Variants in PHF8 observed in about 807,000 individuals in gnomAD.
PHF8 encodes the protein PHD finger protein 8, also known as histone lysine demethylase PHF8.
A neutral mutation model predicts 74.4 loss-of-function variants in PHF8; 9 were observed. That is an observed-to-expected ratio of 0.12 (90% CI 0.07 to 0.21). The LOEUF is 0.21. Ranked by LOEUF, PHF8 falls within the 10% of genes least tolerant of loss-of-function variation. The pLI, the probability that PHF8 is intolerant of heterozygous loss-of-function variation, is 1.00. For synonymous variants in PHF8, 311 were observed against 316.6 expected (o/e 0.98, Z 0.19); for missense variants, 478 against 816.6 (o/e 0.59, Z 5.05).
chrX:53,975,652 CAT>C (rs1178456173), intron 18 of PHF8, among the ~76,000 whole-genome samples: 1 of 111,879 alleles, frequency 8.9e-6, no homozygotes, highest in Non-Finnish European at 1.9e-5. Context: ...TGTTCTCACT[CAT>C]ATGTGAGAGC....
chrX:53,964,888 AG>A (rs782161023), intron 18 of PHF8, among the ~76,000 whole-genome samples: 1 of 108,054 alleles, frequency 9.3e-6, no homozygotes, highest in South Asian at 4.0e-4. Flanking sequence ...AAAAAAAAAA[AG>A]AAAAGAAAGA....
chrX:53,940,595 G>A (rs2064736839), intron 20 of PHF8, 79 bp from the exon 21 acceptor site: 1 of 703,748 alleles, frequency 1.4e-6, no homozygotes, highest in Non-Finnish European at 2.2e-6. Flanking sequence ...ACTAGACAAT[G>A]TCCAATATGG....
chrX:54,032,346 TC>T (rs1429837729), intron 2 of PHF8, among the ~76,000 whole-genome samples: 1 of 110,763 alleles, frequency 9.0e-6, no homozygotes, highest in Non-Finnish European at 1.9e-5. Flanking sequence ...CTGTATATGA[TC>T]TGCACACCCC....
At chrX:53,943,342 T>G (rs782560273) in intron 20 of PHF8, 2 of 838,787 alleles carry the variant, frequency 2.4e-6, no homozygotes, top group South Asian at 5.0e-5. Context: ...GTTTGAGTTG[T>G]CTCCTCCATT....
chrX:53,986,912 C>G (rs1425097021), intron 16 of PHF8, among the ~76,000 whole-genome samples, 166 bp downstream of exon 16: 2 of 111,187 alleles, frequency 1.8e-5, no homozygotes, highest in African/African-American at 3.3e-5. Context: ...GGCAACAGAG[C>G]GAGGAGACTC....
rs1288251216 is a variant in PHF8, at chrX:53,997,231, G to A, written c.1234-1449C>T. Among the ~76,000 whole-genome samples the A allele has an allele frequency of 6.3e-5, 7 of 111,523 alleles. No individual in the cohort carries two copies. In the Admixed American group the frequency reaches 6.6e-4, roughly 11 times the overall value. Reference sequence around the variant, plus strand: ...ACAGCTAGCTCAACAGCAACCCAGAGCGATCCCTGTTAGTTGTCTCTCTTT... The same window carrying A: ...ACAGCTAGCTCAACAGCAACCCAGAACGATCCCTGTTAGTTGTCTCTCTTT... On this transcript the variant is annotated intron_variant, in intron 11 of 21. Transcript: ENST00000338154.
intron 20 of PHF8, among the ~76,000 whole-genome samples, chrX:53,940,992 A>G (rs1569523590): frequency 8.9e-6 from 1 of 112,635 alleles, no homozygotes; most frequent in Non-Finnish European, 1.9e-5. Context: ...TCACAGCTGA[A>G]AAGTAGTTGG....
intron 11 of PHF8, among the ~76,000 whole-genome samples, chrX:53,996,461 C>T (rs192249046): frequency 2.6e-4 from 28 of 107,205 alleles, no homozygotes; most frequent in African/African-American, 7.2e-4. Context: ...CATCAGCTAT[C>T]GTTACGTATG....
At chrX:54,038,401 C>A (rs2066497746) in intron 2 of PHF8, among the ~76,000 whole-genome samples, 2 of 112,148 alleles carry the variant, frequency 1.8e-5, no homozygotes, top group South Asian at 7.3e-4. Flanking sequence ...GAAGCTATCA[C>A]ACTCCGCAGA....
At chrX:54,035,192 A>C (rs1415513381) in intron 2 of PHF8, among the ~76,000 whole-genome samples, 3 of 108,691 alleles carry the variant, frequency 2.8e-5, no homozygotes, top group African/African-American at 1.0e-4. Flanking sequence ...ACTCGTCTCT[A>C]CTAAAAATAC....
chrX:53,944,108 G>T, intron 20 of PHF8, 26 bp downstream of exon 20: 1 of 969,028 alleles, frequency 1.0e-6, no homozygotes, highest in Non-Finnish European at 1.5e-6. Context: ...ATTAGTTGCA[G>T]GGTGACCTGG....
chrX:53,967,103 C>T (rs1457865934), intron 18 of PHF8, among the ~76,000 whole-genome samples: 2 of 110,625 alleles, frequency 1.8e-5, no homozygotes, highest in East Asian at 3.0e-4. Flanking sequence ...AAGTGAGGAG[C>T]GTCTCTGCCT....
In PHF8 at chrX:54,001,207, T is replaced by C. The variant is rs1024605370; in HGVS notation, c.1141+948A>G. 2.7e-5 allele frequency among the ~76,000 whole-genome samples: 3 copies of C among 111,005 alleles called. No individual in the cohort carries two copies. The South Asian group carries it at 1.1e-3, about 42-fold the overall frequency. ...TGGGCACAGTGGCGCGTGCCTATAG[T>C]CCCAGCTACTCTGGAGGCTGAGGCA... On this transcript the variant is annotated intron_variant, in intron 10 of 21. Transcript: ENST00000338154.
chrX:53,959,990 T>C (rs112576131), intron 19 of PHF8, among the ~76,000 whole-genome samples: 13,977 of 109,274 alleles, frequency 0.13, 924 homozygotes, highest in African/African-American at 0.25. Flanking sequence ...AAACGAAAAC[T>C]ATGAGGTTGT....
At chrX:53,954,499 CAA>C (rs1180184175) in intron 19 of PHF8, among the ~76,000 whole-genome samples, 2 of 13,126 alleles carry the variant, frequency 1.5e-4, no homozygotes, top group Non-Finnish European at 2.8e-4. Context: ...GACTCTGTCT[CAA>C]AAAAAAAAAA....
intron 18 of PHF8, among the ~76,000 whole-genome samples, chrX:53,972,679 C>T (rs1782671224): frequency 9.0e-6 from 1 of 111,402 alleles, no homozygotes; most frequent in South Asian, 3.7e-4. Flanking sequence ...GAAAAACCCA[C>T]AGCCAGTATC....
At chrX:54,047,159 A>G (rs2066638429), upstream of PHF8, among the ~76,000 whole-genome samples, 1 of 112,258 alleles carries the variant, frequency 8.9e-6, no homozygotes, top group African/African-American at 3.2e-5. Context: ...GTTGGGGGGA[A>G]AAAATTGGTC....
chrX:53,943,215 C>T, intron 20 of PHF8: 1 of 939,211 alleles, frequency 1.1e-6, no homozygotes, highest in Non-Finnish European at 1.4e-6. Context: ...GACAGAAGTT[C>T]TGGTCAAAGA....
In PHF8 at chrX:53,938,726, G is replaced by A; in HGVS notation, c.*432C>T. The A allele has an allele frequency of 3.9e-6, 3 of 762,790 alleles. No homozygotes were observed. Among genetic ancestry groups the A allele is most frequent in the Non-Finnish European group, 4.6e-6 (3 of 645,195 alleles). The allele number at this position is 762,790 out of a possible 1,213,427, so 62.9% of individuals were successfully genotyped here. ...TGGGGCAAACAGAATGGGTGGAGGT[G>A]GGCAGGCTTCTGGATATAGGGCTAG... On this transcript the variant is annotated 3_prime_UTR_variant, in exon 22 of 22. Transcript: ENST00000338154.
Sources: gnomAD v4.1 joint callset for allele counts (sites outside exome capture counted in the v4.1 genomes callset) on GRCh38, gnomAD v4.1.1 for gene constraint, MANE v1.5 for transcripts, NCBI Gene and HGNC (gene_info 2026-07-23, HGNC 2026-07-21) for gene names.